The following NAALADL2 variants were observed in gnomAD, a reference collection of about 807,000 sequenced individuals.
The protein encoded by NAALADL2 is inactive N-acetylated-alpha-linked acidic dipeptidase-like protein 2.
In NAALADL2, 76 loss-of-function variants were observed where a neutral mutation model predicts 87.2. The ratio of observed to expected loss-of-function variants is 0.87; its 90% confidence interval spans 0.72 to 1.05. NAALADL2 has a LOEUF of 1.05. Among genes scored for constraint, NAALADL2 ranks in the 50% least tolerant of loss-of-function variants. NAALADL2 has a pLI of 0.00. For synonymous variants in NAALADL2, 354 were observed against 331.0 expected (o/e 1.07, Z -0.75); for missense variants, 1,089 against 945.8 (o/e 1.15, Z -1.99).
At chr3:175,095,273 A>G (rs1384608745) in intron 1 of NAALADL2, among the ~76,000 whole-genome samples, 1 of 152,064 alleles carries the variant, frequency 6.6e-6, no homozygotes, top group Non-Finnish European at 1.5e-5. Flanking sequence ...ATTTTCTGCT[A>G]GAATCAATCA....
intron 13 of NAALADL2, among the ~76,000 whole-genome samples, chr3:175,757,586 C>A (rs73051408): frequency 2.5e-3 from 380 of 152,036 alleles, no homozygotes; most frequent in African/African-American, 9.0e-3. Context: ...CGTAATTTTC[C>A]AATATTATGA....
intron 2 of NAALADL2, among the ~76,000 whole-genome samples, chr3:175,196,599 A>T (rs1739043722): frequency 6.6e-6 from 1 of 151,886 alleles, no homozygotes; most frequent in South Asian, 2.1e-4. Flanking sequence ...TTATACATTG[A>T]CTTCGCATTT....
At chr3:174,971,305 T>A (rs1376341380) in intron 1 of NAALADL2, among the ~76,000 whole-genome samples, 1 of 152,214 alleles carries the variant, frequency 6.6e-6, no homozygotes, top group Admixed American at 6.5e-5. Flanking sequence ...TATTGTGGAT[T>A]GGATTGATAT....
chr3:174,840,922 G>C (rs1723955885), intron 3 of NAALADL2, among the ~76,000 whole-genome samples: 1 of 151,842 alleles, frequency 6.6e-6, no homozygotes, highest in South Asian at 2.1e-4. Context: ...AGTAGAAGTG[G>C]AGCTTTCAGA....
chr3:175,730,938 T>C (rs1203552909), intron 11 of NAALADL2, among the ~76,000 whole-genome samples: 1 of 152,146 alleles, frequency 6.6e-6, no homozygotes, highest in African/African-American at 2.4e-5. Context: ...GCAAATATCA[T>C]AGATGTTCAG....
At chr3:174,666,557 T>C (rs1290357391) in intron 2 of NAALADL2, among the ~76,000 whole-genome samples, 1 of 152,232 alleles carries the variant, frequency 6.6e-6, no homozygotes, top group Non-Finnish European at 1.5e-5. Flanking sequence ...TTCTGTTTTA[T>C]TTAAATATAC....
chr3:175,483,552 T>C (rs888052824), intron 9 of NAALADL2, among the ~76,000 whole-genome samples: 1 of 152,032 alleles, frequency 6.6e-6, no homozygotes, highest in Non-Finnish European at 1.5e-5. Flanking sequence ...AAGTCAGCCA[T>C]GCTCAGGGCT....
chr3:175,704,665 C>T (rs1201090262), intron 11 of NAALADL2, among the ~76,000 whole-genome samples: 1 of 152,134 alleles, frequency 6.6e-6, no homozygotes, highest in East Asian at 1.9e-4. Context: ...ATATGCTCTT[C>T]ATTGATCTAT....
At chr3:175,626,931 A>AAT (rs1727068560) in intron 10 of NAALADL2, among the ~76,000 whole-genome samples, 1 of 151,878 alleles carries the variant, frequency 6.6e-6, no homozygotes, top group South Asian at 2.1e-4. Flanking sequence ...ACTTCAGACC[A>AAT]ATATAGTCAC....
intron 5 of NAALADL2, among the ~76,000 whole-genome samples, chr3:175,331,219 T>A (rs1040182721): frequency 2.6e-5 from 4 of 152,150 alleles, no homozygotes; most frequent in Non-Finnish European, 4.4e-5. Flanking sequence ...TCTACTGACC[T>A]TTCAAAGAAG....
chr3:175,622,417 G>A (rs1726359051), intron 10 of NAALADL2, among the ~76,000 whole-genome samples: 2 of 152,138 alleles, frequency 1.3e-5, no homozygotes, highest in South Asian at 4.1e-4. Context: ...GAACTCTAGT[G>A]TATTCAGTTT....
At chr3:175,635,514 A>C (rs996817825) in intron 11 of NAALADL2, among the ~76,000 whole-genome samples, 26 of 152,204 alleles carry the variant, frequency 1.7e-4, no homozygotes, top group Non-Finnish European at 2.9e-5. Context: ...AAGTTCTTTC[A>C]TCACTTACAA....
intron 1 of NAALADL2, among the ~76,000 whole-genome samples, chr3:174,890,942 T>C (rs951326713): frequency 4.6e-5 from 7 of 152,124 alleles, no homozygotes; most frequent in Non-Finnish European, 8.8e-5. Context: ...TTGGAAATAA[T>C]AATATATGAA....
chr3:174,488,619 T>C (rs897299341), intron 1 of NAALADL2, among the ~76,000 whole-genome samples: 29 of 152,050 alleles, frequency 1.9e-4, no homozygotes, highest in Admixed American at 1.8e-3. Flanking sequence ...CTTGGCTATC[T>C]GGGATAAGTT....
chr3:175,076,758 T>G (rs1716673809), intron 1 of NAALADL2, among the ~76,000 whole-genome samples: 1 of 152,222 alleles, frequency 6.6e-6, no homozygotes, highest in Non-Finnish European at 1.5e-5. Flanking sequence ...AGGGAACAAT[T>G]GACACAATTA....
intron 1 of NAALADL2, among the ~76,000 whole-genome samples, chr3:174,897,763 T>G (rs1002420985): frequency 6.6e-6 from 1 of 152,046 alleles, no homozygotes; most frequent in Admixed American, 6.6e-5. Flanking sequence ...GCAACCTAAG[T>G]GTCCATCAAC....
intron 13 of NAALADL2, among the ~76,000 whole-genome samples, chr3:175,790,976 G>A (rs1484081349): frequency 6.6e-6 from 1 of 152,206 alleles, no homozygotes; most frequent in Non-Finnish European, 1.5e-5. Flanking sequence ...TTATGTGGGT[G>A]TCATGCATTA....
intron 2 of NAALADL2, among the ~76,000 whole-genome samples, chr3:174,630,139 TATA>T (rs1198449583): frequency 5.3e-5 from 8 of 152,160 alleles, no homozygotes; most frequent in African/African-American, 1.7e-4. Context: ...CTGAAACAAA[TATA>T]ATAATTTTTC....
intron 3 of NAALADL2, among the ~76,000 whole-genome samples, chr3:175,243,321 AACACAC>A (rs113418317): frequency 1.4e-5 from 2 of 144,556 alleles, no homozygotes; most frequent in African/African-American, 2.6e-5. Flanking sequence ...TTTAGAAGGA[AACACAC>A]ACACACACAC....
Sources: gnomAD v4.1 joint callset for allele counts (sites outside exome capture counted in the v4.1 genomes callset) on GRCh38, gnomAD v4.1.1 for gene constraint, MANE v1.5 for transcripts, NCBI Gene and HGNC (gene_info 2026-07-23, HGNC 2026-07-21) for gene names.